Variants in PGGT1B observed in about 807,000 individuals in gnomAD.
The protein encoded by PGGT1B is protein geranylgeranyltransferase type I subunit beta.
Under a neutral mutation model 46.1 loss-of-function variants are expected in PGGT1B, and 30 were observed. The ratio of observed to expected loss-of-function variants is 0.65; its 90% CI spans 0.49 to 0.88. PGGT1B has a LOEUF of 0.88. PGGT1B is among the 40% of genes least tolerant of loss of function. The probability of loss-of-function intolerance (pLI) is 0.00; values close to 1 mark genes in which losing one functional copy is unlikely to be tolerated. For missense variants in PGGT1B, 376 were observed against 455.9 expected, an observed-to-expected ratio of 0.82 and a Z score of 1.60; for synonymous variants, 170 against 160.0, an observed-to-expected ratio of 1.06 and a Z score of -0.47.
At chr5:115,254,291 A>G (rs987048047) in intron 1 of PGGT1B, among the ~76,000 whole-genome samples, 2 of 151,242 alleles carry the variant, frequency 1.3e-5, no homozygotes, top group African/African-American at 4.9e-5. Flanking sequence ...CAGATTTCAG[A>G]TTTTTTTTTG....
At chr5:115,225,977 T>A (rs966895709) in intron 6 of PGGT1B, among the ~76,000 whole-genome samples, 8 of 151,820 alleles carry the variant, frequency 5.3e-5, no homozygotes, top group Non-Finnish European at 1.2e-4. Flanking sequence ...GAGTTGATTA[T>A]TTAGATTTAA....
intron 1 of PGGT1B, among the ~76,000 whole-genome samples, chr5:115,261,771 A>C (rs1193932486): frequency 1.3e-5 from 2 of 152,220 alleles, no homozygotes; most frequent in Non-Finnish European, 2.9e-5. Flanking sequence ...CTCTCTAAAG[A>C]TATCTGGATT....
chr5:115,227,941 G>A (rs184511166), intron 6 of PGGT1B, among the ~76,000 whole-genome samples: 6 of 152,198 alleles, frequency 3.9e-5, no homozygotes, highest in African/African-American at 7.2e-5. Flanking sequence ...GCTAATTTAT[G>A]GAGGACAACT....
chr5:115,230,948 A>G (rs368095195), intron 6 of PGGT1B, 28 bp downstream of exon 6: 58 of 1,430,266 alleles, frequency 4.1e-5, no homozygotes, highest in Non-Finnish European at 5.6e-5. Flanking sequence ...AAAAGAAACT[A>G]CATGTTCACT....
chr5:115,261,572 T>C (rs1215434306), intron 1 of PGGT1B, among the ~76,000 whole-genome samples: 1 of 152,236 alleles, frequency 6.6e-6, no homozygotes, highest in Non-Finnish European at 1.5e-5. Flanking sequence ...CAAATGTGGC[T>C]AGTGGCTACC....
chr5:115,244,055 T>C (rs191358534), intron 2 of PGGT1B, among the ~76,000 whole-genome samples: 15 of 152,202 alleles, frequency 9.9e-5, no homozygotes, highest in South Asian at 2.1e-4. Flanking sequence ...CATTTTAAGG[T>C]CAGTTGATTA....
intron 1 of PGGT1B, among the ~76,000 whole-genome samples, chr5:115,259,417 C>T (rs111406689): frequency 0.013 from 2,032 of 152,188 alleles, 48 homozygotes; most frequent in African/African-American, 0.046. Context: ...GGGCCGGGCA[C>T]GGTGGCTCAC....
At chr5:115,242,149 T>G (rs1757366243) in intron 2 of PGGT1B, among the ~76,000 whole-genome samples, 1 of 152,218 alleles carries the variant, frequency 6.6e-6, no homozygotes, top group African/African-American at 2.4e-5. Context: ...AGTCCAGTAA[T>G]CCACTTGGCT....
At chr5:115,241,263 T>C (rs1436914932) in intron 3 of PGGT1B, among the ~76,000 whole-genome samples, 1 of 152,208 alleles carries the variant, frequency 6.6e-6, no homozygotes, top group African/African-American at 2.4e-5. Flanking sequence ...AGATGTATGA[T>C]ACTGAGACAA....
At chr5:115,244,650 G>T (rs1580771014) in intron 2 of PGGT1B, among the ~76,000 whole-genome samples, 2 of 151,860 alleles carry the variant, frequency 1.3e-5, no homozygotes, top group East Asian at 3.9e-4. Context: ...GGACTGCAGG[G>T]GCATGATCTC....
At chr5:115,216,994 A>C in intron 7 of PGGT1B, 21 bp from the exon 8 acceptor site, 1 of 1,035,254 alleles carries the variant, frequency 9.7e-7, no homozygotes, top group Non-Finnish European at 1.5e-6. Context: ...ATGACAAATA[A>C]AAATTTACTG....
intron 2 of PGGT1B, among the ~76,000 whole-genome samples, chr5:115,245,464 T>C (rs894087011): frequency 6.6e-6 from 1 of 152,218 alleles, no homozygotes; most frequent in Non-Finnish European, 1.5e-5. Context: ...ATGAGTTCTA[T>C]AGGCAAGTAA....
chr5:115,252,997 T>G, intron 2 of PGGT1B, 140 bp downstream of exon 2: 1 of 688,680 alleles, frequency 1.5e-6, no homozygotes, highest in South Asian at 1.8e-5. Flanking sequence ...TTCAACAGAA[T>G]GGCAATGCTG....
At chr5:115,231,150 T>C (rs1756967902) in intron 5 of PGGT1B, 129 bp from the exon 6 acceptor site, 1 of 511,894 alleles carries the variant, frequency 2.0e-6, no homozygotes, top group African/African-American at 2.0e-5. Flanking sequence ...TCTTCCAAAA[T>C]ATGCGTTTTT....
At chr5:115,222,696 T>C (rs961338511) in intron 6 of PGGT1B, among the ~76,000 whole-genome samples, 4 of 152,186 alleles carry the variant, frequency 2.6e-5, no homozygotes, top group Non-Finnish European at 5.9e-5. Context: ...TGTGGCACTA[T>C]TCACAATAGC....
chr5:115,222,862 G>C (rs1007956685), intron 6 of PGGT1B, among the ~76,000 whole-genome samples: 1 of 152,098 alleles, frequency 6.6e-6, no homozygotes, highest in African/African-American at 2.4e-5. Flanking sequence ...GCAAACTATC[G>C]CAAGGACAGA....
chr5:115,244,933 A>T (rs1184720861), intron 2 of PGGT1B, among the ~76,000 whole-genome samples: 1 of 152,122 alleles, frequency 6.6e-6, no homozygotes, highest in African/African-American at 2.4e-5. Flanking sequence ...CTCTAGTTGG[A>T]TGAGGGGCAG....
intron 2 of PGGT1B, among the ~76,000 whole-genome samples, chr5:115,246,146 G>A (rs1253603643): frequency 6.6e-6 from 1 of 152,110 alleles, no homozygotes; most frequent in Non-Finnish European, 1.5e-5. Context: ...GAGGTCAGGA[G>A]TTCGAGACCA....
rs778840642 is a variant in PGGT1B, at chr5:115,236,376, T to C, written c.612+14A>G. On this transcript the variant is annotated intron_variant, in intron 5 of 8. Transcript: ENST00000419445. The stretch of plus-strand genomic sequence containing the variant: ...AAAACAACCTAAATAGTCAATTTTA[T>C]CAACAGAACTCACCATACTCCTTCT... 1 of 1,585,832 alleles carries C rather than the reference T, an allele frequency of 6.3e-7. No individual in the cohort carries two copies. The highest frequency in any genetic ancestry group is 8.6e-7 in the Non-Finnish European group (1 of 1,168,922).
Sources: gnomAD v4.1 joint callset for allele counts (sites outside exome capture counted in the v4.1 genomes callset) on GRCh38, gnomAD v4.1.1 for gene constraint, MANE v1.5 for transcripts, NCBI Gene and HGNC (gene_info 2026-07-23, HGNC 2026-07-21) for gene names.